The following ADGRV1 variants were observed in gnomAD, a reference collection of about 807,000 sequenced individuals.
ADGRV1 encodes adhesion G protein-coupled receptor V1, also known as G-protein coupled receptor 98.
Under a neutral mutation model 596.2 loss-of-function variants are expected in ADGRV1, and 359 were observed. The observed-to-expected ratio is 0.60, with a 90% CI of 0.55 to 0.66. The LOEUF (loss-of-function observed/expected upper bound fraction) is 0.66. Ranked by LOEUF, ADGRV1 falls within the 30% of genes least tolerant of loss-of-function variation. ADGRV1 has a pLI of 0.00. For synonymous variants in ADGRV1, 2,681 were observed against 2,679.2 expected (o/e 1.00, Z -0.02); for missense variants, 7,274 against 7,575.6 (o/e 0.96, Z 1.48).
chr5:90,877,426 T>G (rs1414078467), intron 83 of ADGRV1, among the ~76,000 whole-genome samples: 1 of 152,112 alleles, frequency 6.6e-6, no homozygotes, highest in African/African-American at 2.4e-5. Flanking sequence ...TGGAAAGAAT[T>G]TGGGTTCCAC....
chr5:90,559,415 A>G lies in ADGRV1; in HGVS notation c.22+498A>G, dbSNP rs528128201. Among the ~76,000 whole-genome samples, 14 of 152,282 alleles carry G rather than the reference A, an allele frequency of 9.2e-5. No homozygotes were observed. The South Asian group carries it at 2.9e-3, about 32-fold the overall frequency. ...CTGCGTCGAAGAATTTCAGTGAAAT[A>G]TATTGATTTTAGGGAGCTTGGGATT... On this transcript the variant is annotated intron_variant, in intron 1 of 89. Transcript: ENST00000405460.
chr5:90,985,201 A>G (rs1780388427), intron 84 of ADGRV1, 143 bp from the exon 85 acceptor site: 1 of 489,650 alleles, frequency 2.0e-6, no homozygotes. Context: ...GAATGAATGT[A>G]TGAACTAACT....
intron 29 of ADGRV1, among the ~76,000 whole-genome samples, chr5:90,687,662 C>A (rs111608865): frequency 0.074 from 11,283 of 152,112 alleles, 599 homozygotes; most frequent in East Asian, 0.24. Flanking sequence ...ATTGTCTCAG[C>A]GCAAAATCTC....
At chr5:90,887,214 T>C (rs551975548) in intron 83 of ADGRV1, among the ~76,000 whole-genome samples, 1 of 152,242 alleles carries the variant, frequency 6.6e-6, no homozygotes, top group East Asian at 1.9e-4. Flanking sequence ...GAAGCTGTCG[T>C]GCCTTGGAAC....
At position 90,642,736 on chromosome 5, in the gene ADGRV1, G is replaced by T. The variant is rs1767138714; in HGVS notation, c.2341G>T (p.Ala781Ser). 3.1e-6 allele frequency: 5 copies of T among 1,613,286 alleles called. No homozygotes were observed. The highest frequency in any genetic ancestry group is 4.2e-6 in the Non-Finnish European group (5 of 1,179,548). ...DPGGVFEFSPASRGPYVIKEG... is the reference protein window; with the variant it reads ...DPGGVFEFSPSSRGPYVIKEG... ...TGGGGGAGTTTTTGAATTTTCTCCT[G>T]CTTCCAGAGGACCCTATGTTATAAA... Residue 781 changes from alanine (A) to serine (S), a missense_variant, in exon 12 of 90, where the codon GCT becomes TCT. Ala to Ser is a moderately conservative substitution (Grantham distance 99). Coordinates refer to ENST00000405460, the MANE Select transcript of ADGRV1 (RefSeq NM_032119.4).
chr5:91,056,436 C>T (rs543868916), intron 85 of ADGRV1, among the ~76,000 whole-genome samples: 12 of 152,136 alleles, frequency 7.9e-5, no homozygotes, highest in Non-Finnish European at 1.3e-4. Flanking sequence ...CTTTTCATCG[C>T]GCATCACAAT....
chr5:90,750,509 AAT>A (rs775174699), intron 52 of ADGRV1, 40 bp from the exon 53 acceptor site: 1 of 1,539,484 alleles, frequency 6.5e-7, no homozygotes, highest in Non-Finnish European at 8.8e-7. Flanking sequence ...CTGATTAGGT[AAT>A]TTCAGGGAAC....
In ADGRV1 at chr5:90,763,308, A is replaced by G; in HGVS notation, c.12124A>G (p.Met4042Val). Residue 4042 changes from methionine (M) to valine (V), a missense_variant, in exon 59 of 90, where the codon ATG (methionine) becomes GTG (valine). By Grantham distance (21) the Met-to-Val change is conservative. Transcript: ENST00000405460. The part of the protein sequence containing the change: ...GVFGFEEKTV[M>V]IDESLSSDDP... ...TTACTGAATTTTCTTCTTTCAGGTAATGATTGATGAATCCCTTTCATCCGA... is the reference window on the plus strand; with the variant it reads ...TTACTGAATTTTCTTCTTTCAGGTAGTGATTGATGAATCCCTTTCATCCGA... 1 of 1,550,920 alleles carries G rather than the reference A, an allele frequency of 6.4e-7. No homozygotes were observed. Among genetic ancestry groups the G allele is most frequent in the Non-Finnish European group, 8.8e-7 (1 of 1,140,932 alleles).
At position 90,840,861 on chromosome 5, in the gene ADGRV1, C is replaced by T. The variant is rs776132284; in HGVS notation, c.16895C>T (p.Ala5632Val). Reference protein sequence around the residue: ...DADSQAIWGLADQLHQPVNDD... With the variant: ...DADSQAIWGLVDQLHQPVNDD... ...GATTCGCAGGCCATTTGGGGGCTTG[C>T]AGATCAGCTACATCAGCCTGTGAAT... The change falls in exon 78 of 90, where the codon GCA becomes GTA. Residue 5632 changes from alanine (A) to valine (V), a missense_variant. Ala to Val is a moderately conservative substitution (Grantham distance 64). Coordinates refer to ENST00000405460, the MANE Select transcript of ADGRV1 (RefSeq NM_032119.4). 6.2e-7 allele frequency: 1 copy of T among 1,611,424 alleles called. No homozygotes were observed. Among genetic ancestry groups the T allele is most frequent in the Non-Finnish European group, 8.5e-7 (1 of 1,178,226 alleles).
intron 83 of ADGRV1, among the ~76,000 whole-genome samples, chr5:90,924,401 ATG>A (rs1237701795): frequency 6.6e-6 from 1 of 151,348 alleles, no homozygotes; most frequent in East Asian, 1.9e-4. Flanking sequence ...ACATTTTTTC[ATG>A]TGTGTTTTGG....
At chr5:90,802,989 T>A in intron 71 of ADGRV1, 107 bp downstream of exon 71, 1 of 802,692 alleles carries the variant, frequency 1.2e-6, no homozygotes, top group Non-Finnish European at 1.8e-6. Flanking sequence ...ACTATTTTCT[T>A]AAATATAAAT....
intron 15 of ADGRV1, among the ~76,000 whole-genome samples, chr5:90,645,600 C>G (rs747340114): frequency 6.6e-6 from 1 of 152,072 alleles, no homozygotes; most frequent in Non-Finnish European, 1.5e-5. Context: ...AAACTCTGCT[C>G]TAAATGTTCA....
intron 85 of ADGRV1, among the ~76,000 whole-genome samples, chr5:91,024,644 T>A (rs1335083993): frequency 2.0e-5 from 3 of 152,028 alleles, no homozygotes; most frequent in East Asian, 1.9e-4. Context: ...TCCATAAAAA[T>A]TTTTTTTGTT....
intron 83 of ADGRV1, among the ~76,000 whole-genome samples, chr5:90,920,351 G>A (rs1163103446): frequency 5.9e-5 from 9 of 152,150 alleles, no homozygotes; most frequent in Non-Finnish European, 1.0e-4. Flanking sequence ...ATCGCCTTAC[G>A]GGTTAGAGTT....
chr5:90,638,205 A>G (rs978394369), intron 11 of ADGRV1, among the ~76,000 whole-genome samples: 13 of 152,048 alleles, frequency 8.5e-5, no homozygotes, highest in African/African-American at 3.1e-4. Context: ...TATGGAAGGT[A>G]TCAGATAAAT....
intron 2 of ADGRV1, among the ~76,000 whole-genome samples, chr5:90,616,403 A>C (rs552210077): frequency 6.6e-6 from 1 of 152,132 alleles, no homozygotes; most frequent in South Asian, 2.1e-4. Context: ...TGATGACTAA[A>C]ACATTTGAAA....
chr5:90,559,090 C>T (rs576014032), intron 1 of ADGRV1, among the ~76,000 whole-genome samples, 173 bp downstream of exon 1: 1 of 152,206 alleles, frequency 6.6e-6, no homozygotes, highest in South Asian at 2.1e-4. Flanking sequence ...GGTAATGGGG[C>T]ATAGCTGCCC....
At chr5:91,021,560 TAG>T (rs919657233) in intron 85 of ADGRV1, among the ~76,000 whole-genome samples, 1 of 152,112 alleles carries the variant, frequency 6.6e-6, no homozygotes, top group Non-Finnish European at 1.5e-5. Flanking sequence ...TGAACCAGGT[TAG>T]AGACTGCTTA....
chr5:91,052,886 C>T (rs931896816), intron 85 of ADGRV1, among the ~76,000 whole-genome samples: 7 of 152,138 alleles, frequency 4.6e-5, no homozygotes, highest in African/African-American at 1.7e-4. Context: ...CTCCTCCCCC[C>T]AGAAACATGC....
Sources: gnomAD v4.1 joint callset for allele counts (sites outside exome capture counted in the v4.1 genomes callset) on GRCh38, gnomAD v4.1.1 for gene constraint, MANE v1.5 for transcripts, NCBI Gene and HGNC (gene_info 2026-07-23, HGNC 2026-07-21) for gene names.